PI4KA: variants seen among roughly 807,000 people sequenced by gnomAD.
PI4KA encodes phosphatidylinositol 4-kinase alpha, also known as PI4-kinase alpha.
Under a neutral mutation model 271.4 loss-of-function variants are expected in PI4KA, and 122 were observed. The observed-to-expected ratio is 0.45, with a 90% CI of 0.39 to 0.52. PI4KA has a LOEUF of 0.52. PI4KA is among the 20% of genes least tolerant of loss of function. The pLI is 0.00. For synonymous variants in PI4KA, 1,041 were observed against 1,078.8 expected (o/e 0.96, Z 0.69); for missense variants, 1,969 against 2,769.1 (o/e 0.71, Z 6.48).
intron 28 of PI4KA, among the ~76,000 whole-genome samples, chr22:20,749,634 A>G (rs1316670076): frequency 6.6e-6 from 1 of 152,212 alleles, no homozygotes; most frequent in Admixed American, 6.5e-5. Context: ...TCCTCTCGTG[A>G]GCAGCCCCCA....
chr22:20,830,752 G>C (rs1033958992), intron 3 of PI4KA, among the ~76,000 whole-genome samples: 2 of 151,976 alleles, frequency 1.3e-5, no homozygotes, highest in Non-Finnish European at 2.9e-5. Flanking sequence ...TAGGTACTTA[G>C]GTGTGTTTTG....
At chr22:20,737,009 C>T (rs1387247425) in intron 32 of PI4KA, 1 of 153,156 alleles carries the variant, frequency 6.5e-6, no homozygotes, top group Non-Finnish European at 1.5e-5. Flanking sequence ...GATGGGCGAC[C>T]AGTGTAGCGG....
chr22:20,846,934 T>C (rs1926343051), intron 1 of PI4KA, among the ~76,000 whole-genome samples: 2 of 147,150 alleles, frequency 1.4e-5, no homozygotes. Context: ...GATCATGAGA[T>C]CAGGAGTTCG....
intron 1 of PI4KA, among the ~76,000 whole-genome samples, chr22:20,854,878 G>A (rs115731887): frequency 0.026 from 3,993 of 152,246 alleles, 172 homozygotes; most frequent in African/African-American, 0.091. Flanking sequence ...TTGGCCGGGC[G>A]TGGTGGCTCA....
At chr22:20,842,925 C>T (rs539453272) in intron 1 of PI4KA, among the ~76,000 whole-genome samples, 156 of 151,874 alleles carry the variant, frequency 1.0e-3, no homozygotes, top group African/African-American at 3.6e-3. Context: ...AGTGAAACCC[C>T]GTCTCTACTA....
intron 19 of PI4KA, chr22:20,784,156 G>A: frequency 1.9e-6 from 3 of 1,614,152 alleles, no homozygotes; most frequent in Non-Finnish European, 2.5e-6. Context: ...TGCTAATTGT[G>A]GTCCCACACA....
At chr22:20,774,528 C>T (rs895063140) in intron 19 of PI4KA, among the ~76,000 whole-genome samples, 1 of 152,036 alleles carries the variant, frequency 6.6e-6, no homozygotes, top group Admixed American at 6.5e-5. Flanking sequence ...TTTGGGAGGC[C>T]GAGGCGGGTG....
At chr22:20,813,619 C>A in intron 7 of PI4KA, 113 bp from the exon 8 acceptor site, 1 of 833,068 alleles carries the variant, frequency 1.2e-6, no homozygotes. Context: ...TTATTTATAT[C>A]CCAATTCTCT....
chr22:20,834,210 T>A (rs1569085495), intron 3 of PI4KA, among the ~76,000 whole-genome samples: 1 of 151,860 alleles, frequency 6.6e-6, no homozygotes, highest in Non-Finnish European at 1.5e-5. Context: ...ACTCCAGGAG[T>A]GAGCCTATAA....
chr22:20,805,033 C>A lies in PI4KA; in HGVS notation c.1301G>T (p.Arg434Leu). The change falls in exon 11 of 55, where the codon CGC becomes CTC. Residue 434 changes from arginine to leucine, a missense_variant. Physicochemically the swap from Arg to Leu is moderately radical, Grantham distance 102. This residue lies in a region of PI4KA where 540 missense variants were observed against 555.5 expected (regional missense o/e 0.97). Coordinates refer to ENST00000255882, the MANE Select transcript of PI4KA (RefSeq NM_058004.4). Reference sequence around the variant, plus strand: ...CACACAGGCAGCATTCGCCTGACAGCGCAGTTTGAGGGGGCTCAGCTCATT... The same window carrying A: ...CACACAGGCAGCATTCGCCTGACAGAGCAGTTTGAGGGGGCTCAGCTCATT... ...IHNELSPLKL[R>L]CQANAACVDL... The A allele has an allele frequency of 1.2e-6, 2 of 1,614,144 alleles. No homozygotes were observed. Among genetic ancestry groups the A allele is most frequent in the African/African-American group, 1.3e-5 (1 of 75,042 alleles).
intron 24 of PI4KA, 41 bp downstream of exon 24, chr22:20,753,069 C>T (rs775812892): frequency 8.7e-6 from 14 of 1,614,212 alleles, no homozygotes; most frequent in Middle Eastern, 1.6e-4. Flanking sequence ...GCCCCAGATG[C>T]CTCCAGCAGA....
At chr22:20,770,532 AG>A (rs869143766) in intron 19 of PI4KA, among the ~76,000 whole-genome samples, 50 of 94,916 alleles carry the variant, frequency 5.3e-4, no homozygotes, top group Middle Eastern at 5.5e-3. Context: ...AAAAAAAAAA[AG>A]AGAGAGAGAG....
chr22:20,742,790 T>C (rs999780814), intron 30 of PI4KA, 26 bp from the exon 31 acceptor site: 9 of 1,611,982 alleles, frequency 5.6e-6, no homozygotes, highest in Non-Finnish European at 6.8e-6. Flanking sequence ...CATCAGCAAC[T>C]AAGCATATAA....
At position 20,819,784 on chromosome 22, in the gene PI4KA, A is replaced by T. The variant is rs1374199292; in HGVS notation, c.646T>A (p.Ser216Thr). ...SKLFPKIPPH[S>T]LRVLEELEGV... The stretch of plus-strand genomic sequence containing the variant: ...TCAAGCTCTTCCAGGACACGGAGGG[A>T]ATGAGGAGGGATTTTGGGAAAGAGC... Residue 216 changes from serine to threonine, a missense_variant, in exon 6 of 55, where the codon TCC (serine) becomes ACC (threonine). Ser to Thr is a moderately conservative substitution (Grantham distance 58). Transcript: ENST00000255882. 6.2e-7 allele frequency: 1 copy of T among 1,614,088 alleles called. No homozygotes were observed. Among genetic ancestry groups the T allele is most frequent in the Admixed American group, 1.7e-5 (1 of 60,008 alleles).
chr22:20,782,646 A>T (rs567716278), intron 19 of PI4KA, among the ~76,000 whole-genome samples: 211 of 152,304 alleles, frequency 1.4e-3, no homozygotes, highest in Non-Finnish European at 1.8e-3. Context: ...CGTGATTCCC[A>T]AAAGAGCAAT....
At chr22:20,740,494 T>C (rs1341519876) in intron 32 of PI4KA, among the ~76,000 whole-genome samples, 1 of 151,694 alleles carries the variant, frequency 6.6e-6, no homozygotes, top group Non-Finnish European at 1.5e-5. Flanking sequence ...AAAGAAATAC[T>C]GACCTCAAGA....
intron 3 of PI4KA, among the ~76,000 whole-genome samples, chr22:20,828,281 A>G (rs1241922504): frequency 6.6e-6 from 1 of 152,170 alleles, no homozygotes; most frequent in Non-Finnish European, 1.5e-5. Flanking sequence ...TTCTAGGTAT[A>G]AAATCATATA....
At chr22:20,769,429 G>A (rs1932778042) in intron 19 of PI4KA, among the ~76,000 whole-genome samples, 1 of 152,146 alleles carries the variant, frequency 6.6e-6, no homozygotes, top group Admixed American at 6.6e-5. Context: ...CAGCACTTTG[G>A]GAGGCCAAGA....
chr22:20,716,655 A>G (rs1037422913), intron 45 of PI4KA, among the ~76,000 whole-genome samples: 49 of 152,086 alleles, frequency 3.2e-4, no homozygotes, highest in Non-Finnish European at 5.9e-5. Context: ...GGCAAGACTC[A>G]GCCAACACAA....
Sources: gnomAD v4.1 joint callset for allele counts (sites outside exome capture counted in the v4.1 genomes callset) on GRCh38, gnomAD v4.1.1 for gene constraint, gnomAD v4.1.1 regional missense constraint, MANE v1.5 for transcripts, NCBI Gene and HGNC (gene_info 2026-07-23, HGNC 2026-07-21) for gene names.